The following GPC6 variants were observed in gnomAD, a reference collection of about 807,000 sequenced individuals.
GPC6 encodes glypican 6.
GPC6 carries 14 observed loss-of-function variants against 55.2 expected under a neutral mutation model. The observed-to-expected ratio is 0.25, with a 90% CI of 0.17 to 0.40. GPC6 has a LOEUF of 0.40. GPC6 is among the 10% of genes least tolerant of loss of function. GPC6 has a pLI of 1.00. For synonymous variants in GPC6, 278 were observed against 259.6 expected (o/e 1.07, Z -0.68); for missense variants, 641 against 708.5 (o/e 0.90, Z 1.08).
chr13:94,399,804 C>T (rs1881052372), intron 8 of GPC6, among the ~76,000 whole-genome samples: 1 of 152,214 alleles, frequency 6.6e-6, no homozygotes. Flanking sequence ...CATTATCTCT[C>T]CTCCTTTTAC....
chr13:94,382,377 C>A, intron 6 of GPC6, 37 bp from the exon 7 acceptor site: 1 of 1,611,860 alleles, frequency 6.2e-7, no homozygotes, highest in Non-Finnish European at 8.5e-7. Context: ...AAAGCCTGAG[C>A]AGAATACTCA....
chr13:93,331,381 C>T (rs1280136947), intron 1 of GPC6, among the ~76,000 whole-genome samples: 3 of 152,054 alleles, frequency 2.0e-5, no homozygotes, highest in East Asian at 1.9e-4. Context: ...TTTCTAGATA[C>T]GTGTTTTTAA....
At chr13:94,380,976 C>T (rs1371823728) in intron 6 of GPC6, among the ~76,000 whole-genome samples, 1 of 152,112 alleles carries the variant, frequency 6.6e-6, no homozygotes, top group Non-Finnish European at 1.5e-5. Flanking sequence ...GATATGTCCT[C>T]ATGATTAGAT....
chr13:94,108,741 C>T (rs909906707), intron 4 of GPC6, among the ~76,000 whole-genome samples: 3 of 151,500 alleles, frequency 2.0e-5, no homozygotes, highest in African/African-American at 7.3e-5. Context: ...ACTCAGGAGG[C>T]TGAGACAGAA....
chr13:93,362,942 AG>A (rs1481205977), intron 1 of GPC6, among the ~76,000 whole-genome samples: 2 of 152,098 alleles, frequency 1.3e-5, no homozygotes, highest in African/African-American at 4.8e-5. Context: ...AAACAGTGCT[AG>A]TATTAATTTT....
At chr13:93,376,397 G>A (rs1279729013) in intron 1 of GPC6, among the ~76,000 whole-genome samples, 1 of 151,976 alleles carries the variant, frequency 6.6e-6, no homozygotes, top group Non-Finnish European at 1.5e-5. Context: ...TTCAGCATTG[G>A]GTTTTCCATC....
chr13:94,086,353 C>G (rs1314434537), intron 4 of GPC6, among the ~76,000 whole-genome samples: 2 of 152,012 alleles, frequency 1.3e-5, no homozygotes, highest in African/African-American at 4.8e-5. Flanking sequence ...GAGCCTGTGG[C>G]TAAAATGAGA....
At chr13:93,616,694 G>A (rs74111504) in intron 2 of GPC6, among the ~76,000 whole-genome samples, 5,919 of 152,102 alleles carry the variant, frequency 0.039, 384 homozygotes, top group African/African-American at 0.13. Flanking sequence ...TCTTGAAGTA[G>A]CAAGTGTTGC....
chr13:94,120,564 CA>C (rs762086219), intron 4 of GPC6, among the ~76,000 whole-genome samples: 4 of 151,344 alleles, frequency 2.6e-5, no homozygotes, highest in South Asian at 2.1e-4. Flanking sequence ...GGTATGAAAT[CA>C]ATGTGGGTTT....
intron 2 of GPC6, among the ~76,000 whole-genome samples, chr13:93,765,310 T>TAAGCTGTCTGGAAATACAAC (rs1361108806): frequency 2.6e-5 from 1 of 38,418 alleles, no homozygotes; most frequent in African/African-American, 1.1e-4. Flanking sequence ...AGACAACTTA[T>TAAGCTGTCTGGAAATACAAC]TTGGTTTAAG....
chr13:93,260,129 G>A (rs1458408468), intron 1 of GPC6, among the ~76,000 whole-genome samples: 1 of 151,948 alleles, frequency 6.6e-6, no homozygotes, highest in Non-Finnish European at 1.5e-5. Flanking sequence ...AATTCATATC[G>A]AGAAAACAAA....
At chr13:93,408,596 A>C (rs1029450568) in intron 1 of GPC6, among the ~76,000 whole-genome samples, 6 of 152,190 alleles carry the variant, frequency 3.9e-5, no homozygotes, top group Admixed American at 1.3e-4. Context: ...CTGAATAGGA[A>C]ATTGACAGTA....
chr13:93,578,689 G>T (rs1876791968), intron 2 of GPC6, among the ~76,000 whole-genome samples: 1 of 145,100 alleles, frequency 6.9e-6, no homozygotes, highest in African/African-American at 2.5e-5. Flanking sequence ...ATTTATTTCT[G>T]CTCTGATCTT....
intron 1 of GPC6, among the ~76,000 whole-genome samples, chr13:93,290,743 A>T (rs1329457758): frequency 6.6e-6 from 1 of 152,126 alleles, no homozygotes; most frequent in African/African-American, 2.4e-5. Flanking sequence ...AAAAAATGAA[A>T]CTTCTGAGAA....
At chr13:94,057,497 A>G (rs938667892) in intron 4 of GPC6, among the ~76,000 whole-genome samples, 2 of 152,192 alleles carry the variant, frequency 1.3e-5, no homozygotes, top group African/African-American at 4.8e-5. Flanking sequence ...TTAAAATGGT[A>G]AGTAGCATAA....
At chr13:94,232,132 T>C (rs1890747505) in intron 4 of GPC6, among the ~76,000 whole-genome samples, 1 of 152,226 alleles carries the variant, frequency 6.6e-6, no homozygotes, top group Admixed American at 6.5e-5. Context: ...AACCAAGATA[T>C]AGCAATAGCT....
At chr13:93,825,664 T>C (rs936485370) in intron 2 of GPC6, among the ~76,000 whole-genome samples, 2 of 152,078 alleles carry the variant, frequency 1.3e-5, no homozygotes, top group Non-Finnish European at 2.9e-5. Flanking sequence ...ATAAGCAAGA[T>C]GCCTTTTGAA....
At position 94,405,356 on chromosome 13, in the gene GPC6, C is replaced by T. The variant is rs1881327782; in HGVS notation, c.*2139C>T. 1 of 152,174 alleles carries T rather than the reference C, an allele frequency of 6.6e-6. No individual in the cohort carries two copies. The highest frequency in any genetic ancestry group is 2.4e-5 in the African/African-American group (1 of 41,434). 9.4% of individuals were successfully genotyped at this position (152,174 alleles called of 1,614,324 possible). A position where few individuals can be genotyped will look rare whatever the true frequency, so the allele number is the denominator to read the frequency against. Reference sequence around the variant, plus strand: ...CACATAAGACTTCTCTATGAAGGACCAGTCATTTACATTGCTCATTTCATT... The same window carrying T: ...CACATAAGACTTCTCTATGAAGGACTAGTCATTTACATTGCTCATTTCATT... On this transcript the variant is annotated 3_prime_UTR_variant, in exon 9 of 9. Coordinates refer to ENST00000377047, the MANE Select transcript of GPC6 (RefSeq NM_005708.5).
intron 2 of GPC6, among the ~76,000 whole-genome samples, chr13:93,610,367 C>T (rs1052665215): frequency 6.6e-6 from 1 of 152,120 alleles, no homozygotes. Context: ...ACATCGCAAC[C>T]CAGAATGTGT....
Sources: gnomAD v4.1 joint callset for allele counts (sites outside exome capture counted in the v4.1 genomes callset) on GRCh38, gnomAD v4.1.1 for gene constraint, MANE v1.5 for transcripts, NCBI Gene and HGNC (gene_info 2026-07-23, HGNC 2026-07-21) for gene names.